Variants in NXPH1 observed in about 807,000 individuals in gnomAD.
NXPH1 encodes neurexophilin-1.
A neutral mutation model predicts 23.7 loss-of-function variants in NXPH1; 5 were observed. The observed-to-expected ratio is 0.21, with a 90% CI of 0.11 to 0.44. The LOEUF (loss-of-function observed/expected upper bound fraction) is 0.44. NXPH1 is among the 20% of genes least tolerant of loss of function. NXPH1 has a pLI of 0.99. For synonymous variants in NXPH1, 144 were observed against 122.2 expected (o/e 1.18, Z -1.18); for missense variants, 324 against 321.6 (o/e 1.01, Z -0.06).
intron 2 of NXPH1, among the ~76,000 whole-genome samples, chr7:8,610,146 C>T (rs1423818803): frequency 6.6e-6 from 1 of 152,122 alleles, no homozygotes; most frequent in Non-Finnish European, 1.5e-5. Context: ...TGCAATTTCA[C>T]ATTTGACTAA....
At chr7:8,681,777 G>C (rs1186778033) in intron 2 of NXPH1, among the ~76,000 whole-genome samples, 1 of 152,178 alleles carries the variant, frequency 6.6e-6, no homozygotes, top group Non-Finnish European at 1.5e-5. Flanking sequence ...CCTGTGTCAG[G>C]CTGCATCTGA....
chr7:8,617,836 G>A (rs543025655), intron 2 of NXPH1, among the ~76,000 whole-genome samples: 126 of 152,170 alleles, frequency 8.3e-4, no homozygotes, highest in African/African-American at 3.0e-3. Flanking sequence ...ATGCTTGAGG[G>A]GATGGGTACC....
intron 2 of NXPH1, among the ~76,000 whole-genome samples, chr7:8,462,131 C>G (rs892393805): frequency 6.6e-6 from 1 of 152,086 alleles, no homozygotes; most frequent in Non-Finnish European, 1.5e-5. Flanking sequence ...TCACAGCAAC[C>G]CCTGCCTCAT....
At chr7:8,624,954 A>C (rs528380620) in intron 2 of NXPH1, among the ~76,000 whole-genome samples, 4 of 152,188 alleles carry the variant, frequency 2.6e-5, no homozygotes, top group African/African-American at 9.6e-5. Context: ...TTCCCTAAAA[A>C]AGTGGGGTAG....
chr7:8,565,615 A>C (rs576486986), intron 2 of NXPH1, among the ~76,000 whole-genome samples: 4 of 151,992 alleles, frequency 2.6e-5, no homozygotes, highest in African/African-American at 9.6e-5. Context: ...AAAAAACATG[A>C]AACTATGTAG....
intron 2 of NXPH1, among the ~76,000 whole-genome samples, chr7:8,596,008 T>G (rs4311585): frequency 0.13 from 20,351 of 152,070 alleles, 1,946 homozygotes; most frequent in African/African-American, 0.25. Flanking sequence ...TTTAAAAAAT[T>G]TAGCATGCAA....
At chr7:8,686,442 T>C (rs1285170657) in intron 2 of NXPH1, among the ~76,000 whole-genome samples, 1 of 152,148 alleles carries the variant, frequency 6.6e-6, no homozygotes, top group African/African-American at 2.4e-5. Context: ...GCAGAAAATA[T>C]CAGGTGTATT....
chr7:8,531,790 C>A (rs962548859), intron 2 of NXPH1, among the ~76,000 whole-genome samples: 3 of 152,120 alleles, frequency 2.0e-5, no homozygotes, highest in African/African-American at 7.2e-5. Flanking sequence ...CTTAAATAAT[C>A]AAGCTGTTTT....
intron 2 of NXPH1, among the ~76,000 whole-genome samples, chr7:8,670,163 T>C (rs1820845255): frequency 6.6e-6 from 1 of 152,228 alleles, no homozygotes; most frequent in Non-Finnish European, 1.5e-5. Context: ...GAGATGAACT[T>C]CCCTCTGCCT....
In NXPH1 at chr7:8,752,949, A is replaced by T. The variant is rs1780590956; in HGVS notation, c.*1180A>T. 1 of 152,546 alleles carries T rather than the reference A, an allele frequency of 6.6e-6. No individual in the cohort carries two copies. Among genetic ancestry groups the T allele is most frequent in the Admixed American group, 6.6e-5 (1 of 15,252 alleles). The allele number at this position is 152,546 out of a possible 1,614,324, so 9.4% of individuals were successfully genotyped here. A position where few individuals can be genotyped will look rare whatever the true frequency, so the allele number is the denominator to read the frequency against. ...ATGTACATAAAAATAAAACACTTAA[A>T]GTTGAGTTTCAATATGTACTTGTGT... On this transcript the variant is annotated 3_prime_UTR_variant, in exon 3 of 3. Transcript: ENST00000405863.
At chr7:8,579,718 T>C (rs979943140) in intron 2 of NXPH1, among the ~76,000 whole-genome samples, 3 of 152,336 alleles carry the variant, frequency 2.0e-5, no homozygotes, top group Admixed American at 1.3e-4. Flanking sequence ...ATTTGTTTTA[T>C]CCACTTGGTT....
chr7:8,597,571 G>A (rs28473272), intron 2 of NXPH1, among the ~76,000 whole-genome samples: 11,966 of 151,956 alleles, frequency 0.079, 572 homozygotes, highest in East Asian at 0.17. Context: ...GATACTCAGA[G>A]GAACCAGTTT....
At chr7:8,542,021 G>T (rs1419387908) in intron 2 of NXPH1, among the ~76,000 whole-genome samples, 1 of 151,378 alleles carries the variant, frequency 6.6e-6, no homozygotes, top group Non-Finnish European at 1.5e-5. Context: ...TAAAATAAAT[G>T]TAAATAGCCT....
intron 2 of NXPH1, among the ~76,000 whole-genome samples, chr7:8,443,715 C>A (rs954086581): frequency 6.6e-6 from 1 of 151,926 alleles, no homozygotes; most frequent in African/African-American, 2.4e-5. Context: ...TTAATGCAGA[C>A]GAATGGGGGA....
chr7:8,616,873 CT>C (rs1338885755), intron 2 of NXPH1, among the ~76,000 whole-genome samples: 1 of 150,132 alleles, frequency 6.7e-6, no homozygotes, highest in Non-Finnish European at 1.5e-5. Flanking sequence ...AAAAACCACT[CT>C]GGCTGAAGTA....
At chr7:8,659,280 C>T (rs1820631814) in intron 2 of NXPH1, among the ~76,000 whole-genome samples, 1 of 152,178 alleles carries the variant, frequency 6.6e-6, no homozygotes, top group Non-Finnish European at 1.5e-5. Context: ...TTTAGAAAAA[C>T]ATTGGATGCC....
At chr7:8,631,715 G>T (rs898646980) in intron 2 of NXPH1, among the ~76,000 whole-genome samples, 4 of 152,132 alleles carry the variant, frequency 2.6e-5, no homozygotes, top group African/African-American at 9.7e-5. Flanking sequence ...AGCACTTGCA[G>T]GTGCTGTGGT....
At chr7:8,457,542 G>GTGT (rs1816618482) in intron 2 of NXPH1, among the ~76,000 whole-genome samples, 1 of 145,702 alleles carries the variant, frequency 6.9e-6, no homozygotes, top group African/African-American at 2.5e-5. Context: ...CTAATTCTTA[G>GTGT]TTTTTTTTTT....
intron 2 of NXPH1, among the ~76,000 whole-genome samples, chr7:8,622,934 G>C (rs1287361390): frequency 6.6e-6 from 1 of 152,072 alleles, no homozygotes; most frequent in Non-Finnish European, 1.5e-5. Flanking sequence ...AGTGGTCTTG[G>C]GAAATGTTAA....
Sources: gnomAD v4.1 joint callset for allele counts (sites outside exome capture counted in the v4.1 genomes callset) on GRCh38, gnomAD v4.1.1 for gene constraint, MANE v1.5 for transcripts, NCBI Gene and HGNC (gene_info 2026-07-23, HGNC 2026-07-21) for gene names.